Variants in KCTD20 observed in about 807,000 individuals in gnomAD.
KCTD20 encodes the protein BTB/POZ domain-containing protein KCTD20.
In KCTD20, 30 loss-of-function variants were observed where a neutral mutation model predicts 39.6. The ratio of observed to expected loss-of-function variants is 0.76; its 90% CI spans 0.57 to 1.03. The LOEUF (loss-of-function observed/expected upper bound fraction) is 1.03, where lower values mean the gene tolerates loss of function less well. Ranked by LOEUF, KCTD20 falls within the 50% of genes least tolerant of loss-of-function variation. The pLI is 0.00. For synonymous variants in KCTD20, 162 were observed against 180.6 expected (o/e 0.90, Z 0.83); for missense variants, 422 against 522.0 (o/e 0.81, Z 1.87).
chr6:36,490,910 G>A lies in KCTD20; in HGVS notation c.*3735G>A, dbSNP rs140927318. 65 of 152,264 alleles carry A rather than the reference G, an allele frequency of 4.3e-4. No homozygotes were observed. The highest frequency in any genetic ancestry group is 1.4e-3 in the African/African-American group (59 of 41,538). The allele number at this position is 152,264 out of a possible 1,614,324, so 9.4% of individuals were successfully genotyped here. ...CATCACTTTGCAATTATTGAAATGG[G>A]AATACTGAGCTCAGAAAGCAAATAT... is the stretch of plus-strand genomic sequence containing the variant. On this transcript the variant is annotated 3_prime_UTR_variant, in exon 8 of 8. Transcript: ENST00000373731.
chr6:36,485,648 C>T (rs1252521363), intron 7 of KCTD20, among the ~76,000 whole-genome samples: 4 of 152,050 alleles, frequency 2.6e-5, no homozygotes, highest in Non-Finnish European at 4.4e-5. Context: ...CACCCGCAAC[C>T]ATGCCCGGCT....
intron 6 of KCTD20, among the ~76,000 whole-genome samples, chr6:36,482,744 G>A (rs1045765608): frequency 1.3e-5 from 2 of 151,916 alleles, no homozygotes; most frequent in East Asian, 1.9e-4. Flanking sequence ...TCAAGAGTTC[G>A]AGACCAGCCT....
In KCTD20 at chr6:36,489,983, G is replaced by A. The variant is rs1776537165; in HGVS notation, c.*2808G>A. ...GAAAGAATGGCAGCAAAAAGGTTAA[G>A]AAAGCAAGCCAGATTTACTGCACAA... On this transcript the variant is annotated 3_prime_UTR_variant, in exon 8 of 8. Coordinates refer to ENST00000373731, the MANE Select transcript of KCTD20 (RefSeq NM_173562.5). The A allele has an allele frequency of 6.6e-6, 1 of 152,196 alleles. No individual in the cohort carries two copies. Among genetic ancestry groups the A allele is most frequent in the African/African-American group, 2.4e-5 (1 of 41,444 alleles). 9.4% of individuals were successfully genotyped at this position (152,196 alleles called of 1,614,324 possible).
At chr6:36,479,092 G>C in intron 3 of KCTD20, 29 bp from the exon 4 acceptor site, 3 of 1,404,748 alleles carry the variant, frequency 2.1e-6, no homozygotes, top group South Asian at 1.2e-5. Context: ...TGATGGAGAA[G>C]ATAACATTAT....
intron 1 of KCTD20, among the ~76,000 whole-genome samples, chr6:36,460,412 T>C (rs1775567326): frequency 6.6e-6 from 1 of 152,182 alleles, no homozygotes; most frequent in Admixed American, 6.5e-5. Context: ...CCAGCGATTC[T>C]CCTGCCTCGG....
chr6:36,487,136 C>T lies in KCTD20; in HGVS notation c.1221C>T (p.Ala407=). ...PQVDELDRLN[A]PLSQMASNDF... ...TGGATGAACTTGACCGGCTAAATGC[C>T]CCACTTTCTCAGATGGCTTCTAACG... Residue 407 remains alanine, a synonymous_variant, in exon 8 of 8, where the codon GCC becomes GCT. Coordinates refer to ENST00000373731, the MANE Select transcript of KCTD20 (RefSeq NM_173562.5). 6.2e-7 allele frequency: 1 copy of T among 1,613,976 alleles called. No individual in the cohort carries two copies. The highest frequency in any genetic ancestry group is 1.1e-5 in the South Asian group (1 of 91,072).
At chr6:36,453,433 T>C (rs899797297) in intron 1 of KCTD20, among the ~76,000 whole-genome samples, 3 of 152,166 alleles carry the variant, frequency 2.0e-5, no homozygotes, top group Non-Finnish European at 4.4e-5. Context: ...ATATATTCTT[T>C]AGGATTAATA....
At chr6:36,470,691 C>T (rs1582344077) in intron 2 of KCTD20, among the ~76,000 whole-genome samples, 1 of 152,216 alleles carries the variant, frequency 6.6e-6, no homozygotes, top group Middle Eastern at 3.4e-3. Context: ...AGCTCTGCCT[C>T]CCAGGCTCAA....
intron 1 of KCTD20, among the ~76,000 whole-genome samples, chr6:36,463,008 T>G (rs975246159): frequency 6.6e-6 from 1 of 152,266 alleles, no homozygotes; most frequent in Non-Finnish European, 1.5e-5. Context: ...TGTGTACAAT[T>G]ATCTAAGCTG....
chr6:36,467,378 G>A lies in KCTD20; in HGVS notation c.-46-2674G>A, dbSNP rs147279723. On this transcript the variant is annotated intron_variant, in intron 1 of 7. Coordinates refer to ENST00000373731, the MANE Select transcript of KCTD20 (RefSeq NM_173562.5). Reference sequence around the variant, plus strand: ...TTTTGAGACGGAGTTTCGCACTTTCGCCCAGGCTGGAGTGCAATGGCGCCA... The same window carrying A: ...TTTTGAGACGGAGTTTCGCACTTTCACCCAGGCTGGAGTGCAATGGCGCCA... Among the ~76,000 whole-genome samples, 557 of 105,874 alleles carry A rather than the reference G, an allele frequency of 5.3e-3. 4 individuals carry two copies. The highest frequency in any genetic ancestry group is 0.019 in the African/African-American group (479 of 25,856). The allele number at this position is 105,874 out of a possible 152,430, so 69.5% of individuals were successfully genotyped here.
chr6:36,473,313 T>C (rs1289511264), intron 2 of KCTD20, among the ~76,000 whole-genome samples: 1 of 151,884 alleles, frequency 6.6e-6, no homozygotes, highest in Non-Finnish European at 1.5e-5. Context: ...CTGCCCACCT[T>C]GGCTTCCCAA....
At chr6:36,451,345 G>A (rs983298709) in intron 1 of KCTD20, 1 of 152,070 alleles carries the variant, frequency 6.6e-6, no homozygotes, top group Non-Finnish European at 1.5e-5. Context: ...AGAATATTCA[G>A]TAAGACAATA....
intron 2 of KCTD20, among the ~76,000 whole-genome samples, chr6:36,474,106 G>A (rs1168052989): frequency 6.6e-6 from 1 of 151,758 alleles, no homozygotes; most frequent in Non-Finnish European, 1.5e-5. Context: ...TAAGTTTTAG[G>A]GTACATGTGC....
chr6:36,450,111 C>A (rs1561941943), intron 1 of KCTD20, among the ~76,000 whole-genome samples: 1 of 143,358 alleles, frequency 7.0e-6, no homozygotes, highest in Non-Finnish European at 1.5e-5. Context: ...TTGCAGTGAG[C>A]CGAGATTGCG....
chr6:36,483,566 G>A (rs1776328189), intron 6 of KCTD20, among the ~76,000 whole-genome samples: 1 of 152,106 alleles, frequency 6.6e-6, no homozygotes, highest in Non-Finnish European at 1.5e-5. Flanking sequence ...CCAGGCTGGA[G>A]AGCAGTGGTG....
At chr6:36,448,570 G>A (rs1337487869) in intron 1 of KCTD20, among the ~76,000 whole-genome samples, 1 of 152,170 alleles carries the variant, frequency 6.6e-6, no homozygotes, top group East Asian at 1.9e-4. Flanking sequence ...ACCACTGTCT[G>A]GGTGGTTTGA....
At chr6:36,455,253 C>G (rs770437684) in intron 1 of KCTD20, among the ~76,000 whole-genome samples, 1 of 151,964 alleles carries the variant, frequency 6.6e-6, no homozygotes, top group African/African-American at 2.4e-5. Flanking sequence ...ACTAAAAATA[C>G]AAAAATTAGC....
At chr6:36,443,149 C>G (rs1277857650) in intron 1 of KCTD20, 38 bp downstream of exon 1, 1 of 152,578 alleles carries the variant, frequency 6.6e-6, no homozygotes, top group African/African-American at 2.4e-5. Flanking sequence ...GCGCGAAGAC[C>G]GGGCAGGGAG....
At chr6:36,481,906 C>G (rs1776262657) in intron 6 of KCTD20, 147 bp downstream of exon 6, 1 of 687,290 alleles carries the variant, frequency 1.5e-6, no homozygotes, top group Admixed American at 2.3e-5. Flanking sequence ...TGACGCAGGT[C>G]TAGCCTTTAT....
Sources: gnomAD v4.1 joint callset for allele counts (sites outside exome capture counted in the v4.1 genomes callset) on GRCh38, gnomAD v4.1.1 for gene constraint, MANE v1.5 for transcripts, NCBI Gene and HGNC (gene_info 2026-07-23, HGNC 2026-07-21) for gene names.